Variants in F13A1 observed in about 807,000 individuals in gnomAD.
F13A1 encodes the protein FSF, A subunit.
F13A1 carries 47 observed loss-of-function variants against 80.1 expected under a neutral mutation model. The observed-to-expected ratio is 0.59, with a 90% CI of 0.46 to 0.75. F13A1 has a LOEUF of 0.75. Ranked by LOEUF, F13A1 falls within the 30% of genes least tolerant of loss-of-function variation. F13A1 has a pLI of 0.00. For missense variants in F13A1, 817 were observed against 930.4 expected, an observed-to-expected ratio of 0.88 and a Z score of 1.59; for synonymous variants, 349 against 344.9, an observed-to-expected ratio of 1.01 and a Z score of -0.13.
chr6:6,167,576 C>A lies in F13A1; in HGVS notation c.1790G>T (p.Gly597Val), dbSNP rs201173378. The change falls in exon 13 of 15, where the codon GGT becomes GTT. Residue 597 changes from glycine (G) to valine (V), a missense_variant. Gly to Val is a moderately radical substitution (Grantham distance 109). Transcript: ENST00000264870. ...AVLIQAGEYM[G>V]QLLEQASLHF... is the part of the protein sequence containing the mutation. ...CAGGGACGCTTGTTCCAGCAGCTGACCCATGTACTCGCCGGCTTGGATCAG... is the reference window on the plus strand; with the variant it reads ...CAGGGACGCTTGTTCCAGCAGCTGAACCATGTACTCGCCGGCTTGGATCAG... The A allele has an allele frequency of 2.1e-5, 34 of 1,613,964 alleles. No homozygotes were observed. The South Asian group carries it at 3.1e-4, about 15-fold the overall frequency.
intron 8 of F13A1, among the ~76,000 whole-genome samples, chr6:6,199,141 T>C (rs1013629444): frequency 2.0e-5 from 3 of 152,170 alleles, no homozygotes; most frequent in African/African-American, 7.2e-5. Flanking sequence ...TGCGAAGTGG[T>C]GTTCTAAAAC....
intron 2 of F13A1, among the ~76,000 whole-genome samples, chr6:6,309,493 G>A (rs549835709): frequency 6.6e-6 from 1 of 152,308 alleles, no homozygotes; most frequent in South Asian, 2.1e-4. Flanking sequence ...GAAGACTGAG[G>A]CAAGAGAGTG....
chr6:6,289,558 C>T (rs181230781), intron 3 of F13A1, among the ~76,000 whole-genome samples: 2 of 152,224 alleles, frequency 1.3e-5, no homozygotes, highest in Admixed American at 1.3e-4. Flanking sequence ...TCCATTTATC[C>T]TATCATTTAT....
chr6:6,167,121 G>A (rs1760687312), intron 13 of F13A1, among the ~76,000 whole-genome samples: 1 of 152,066 alleles, frequency 6.6e-6, no homozygotes, highest in Non-Finnish European at 1.5e-5. Context: ...ACTTTATTCT[G>A]GAGACACTGA....
In F13A1 at chr6:6,145,353, C is replaced by T. The variant is rs1198647812; in HGVS notation, c.*266G>A. ...TTGTGATGATAAATGATGACTGTTA[C>T]TCTTATGAGCTATGAGAGCTTAATT... On this transcript the variant is annotated 3_prime_UTR_variant, in exon 15 of 15. Transcript: ENST00000264870. 24 of 486,890 alleles carry T rather than the reference C, an allele frequency of 4.9e-5. No individual in the cohort carries two copies. Among genetic ancestry groups the T allele is most frequent in the Non-Finnish European group, 2.3e-5 (6 of 266,282 alleles). 30.2% of individuals were successfully genotyped at this position (486,890 alleles called of 1,614,324 possible). A position where few individuals can be genotyped will look rare whatever the true frequency, so the allele number is the denominator to read the frequency against.
chr6:6,157,777 G>C (rs953077781), intron 13 of F13A1, among the ~76,000 whole-genome samples: 3 of 152,106 alleles, frequency 2.0e-5, no homozygotes, highest in African/African-American at 7.2e-5. Context: ...GGGATTACAG[G>C]ACTGGAATGT....
At chr6:6,185,792 A>G (rs370773508) in intron 10 of F13A1, among the ~76,000 whole-genome samples, 6 of 152,202 alleles carry the variant, frequency 3.9e-5, no homozygotes, top group East Asian at 1.9e-4. Flanking sequence ...CTGAGGAATC[A>G]CCACACTGAC....
At chr6:6,146,070 A>G (rs3024461) in intron 14 of F13A1, among the ~76,000 whole-genome samples, 6,528 of 152,130 alleles carry the variant, frequency 0.043, 474 homozygotes, top group African/African-American at 0.15. Flanking sequence ...CCATTAATCA[A>G]CTGAACTCTA....
In F13A1 at chr6:6,205,031, T is replaced by C. The variant is rs185483889; in HGVS notation, c.1113-7705A>G. ...CCAGTCATGAATGGCCTCATTTGCA[T>C]AGCAATGCTATATGGGAGATAAATG... is the stretch of plus-strand genomic sequence containing the variant. On this transcript the variant is annotated intron_variant, in intron 8 of 14. Transcript: ENST00000264870. 6.9e-4 allele frequency among the ~76,000 whole-genome samples: 105 copies of C among 152,352 alleles called. 1 individual carries two copies. Among genetic ancestry groups the C allele is most frequent in the Admixed American group, 2.4e-3 (36 of 15,306 alleles).
intron 3 of F13A1, among the ~76,000 whole-genome samples, chr6:6,273,290 G>T (rs908849382): frequency 1.3e-5 from 2 of 152,032 alleles, no homozygotes; most frequent in African/African-American, 4.8e-5. Context: ...GTACCCAGTC[G>T]GTACCTAATA....
chr6:6,318,599 T>C lies in F13A1; in HGVS notation c.66A>G (p.Ala22=), dbSNP rs1758722480. 8 of 1,613,592 alleles carry C rather than the reference T, an allele frequency of 5.0e-6. No individual in the cohort carries two copies. The highest frequency in any genetic ancestry group is 6.8e-6 in the Non-Finnish European group (8 of 1,179,924). ...CCACTGTGGGCAGGTCATCTTCCGC[T>C]GCATTAGAGTTATTGGGTGGAACTG... ...RRAVPPNNSN[A]AEDDLPTVEL... is the part of the protein sequence containing the mutation. The change falls in exon 2 of 15, where the codon GCA becomes GCG. Residue 22 remains alanine, a synonymous_variant. Transcript: ENST00000264870.
rs996244725 is a variant in F13A1 at position 6,231,300 on chromosome 6, T to C, written c.799-6440A>G. Among the ~76,000 whole-genome samples the C allele has an allele frequency of 3.3e-5, 5 of 151,988 alleles. No homozygotes were observed. In the South Asian group the frequency reaches 6.2e-4, roughly 19 times the overall value. ...GAAATGCTCTGGAAAGTCTCAGCAA[T>C]AGAATTGAACATGTAGAAGAAAAAA... is the stretch of plus-strand genomic sequence containing the variant. On this transcript the variant is annotated intron_variant, in intron 6 of 14. Coordinates refer to ENST00000264870, the MANE Select transcript of F13A1 (RefSeq NM_000129.4).
At chr6:6,319,900 G>T (rs572661517) in intron 1 of F13A1, among the ~76,000 whole-genome samples, 1 of 152,142 alleles carries the variant, frequency 6.6e-6, no homozygotes, top group Non-Finnish European at 1.5e-5. Context: ...AGGGAGAAGA[G>T]CGAAAAAGGG....
chr6:6,172,660 T>A (rs940475313), intron 12 of F13A1, among the ~76,000 whole-genome samples: 1 of 152,058 alleles, frequency 6.6e-6, no homozygotes, highest in Non-Finnish European at 1.5e-5. Context: ...TTGGCCAGGC[T>A]GGTCTCGAGC....
At chr6:6,319,255 T>G (rs1370730053) in intron 1 of F13A1, among the ~76,000 whole-genome samples, 2 of 152,202 alleles carry the variant, frequency 1.3e-5, no homozygotes, top group African/African-American at 4.8e-5. Flanking sequence ...ATGTTTGCTC[T>G]GATAGATTAT....
chr6:6,305,631 G>T, intron 2 of F13A1, 92 bp from the exon 3 acceptor site: 2 of 1,357,258 alleles, frequency 1.5e-6, no homozygotes, highest in Non-Finnish European at 2.1e-6. Context: ...CCCTGAAGAA[G>T]GCAGGTAGCA....
At chr6:6,303,160 A>G (rs1758459951) in intron 3 of F13A1, among the ~76,000 whole-genome samples, 2 of 152,220 alleles carry the variant, frequency 1.3e-5, no homozygotes, top group African/African-American at 4.8e-5. Flanking sequence ...ATGTCCTACT[A>G]AATATTTTTC....
chr6:6,204,073 A>T (rs952228607), intron 8 of F13A1, among the ~76,000 whole-genome samples: 1 of 152,158 alleles, frequency 6.6e-6, no homozygotes, highest in Non-Finnish European at 1.5e-5. Context: ...GAAGAGCTGG[A>T]CAGAGAACAC....
chr6:6,212,975 G>A (rs1308898768), intron 8 of F13A1, among the ~76,000 whole-genome samples: 3 of 152,096 alleles, frequency 2.0e-5, no homozygotes, highest in Non-Finnish European at 2.9e-5. Context: ...GGGAAGTTTA[G>A]AGAAAAAAGA....
Sources: gnomAD v4.1 joint callset for allele counts (sites outside exome capture counted in the v4.1 genomes callset) on GRCh38, gnomAD v4.1.1 for gene constraint, MANE v1.5 for transcripts, NCBI Gene and HGNC (gene_info 2026-07-23, HGNC 2026-07-21) for gene names.